Variants in CCSER1 observed in about 807,000 individuals in gnomAD.
CCSER1 encodes serine-rich coiled-coil domain-containing protein 1.
In CCSER1, 41 loss-of-function variants were observed where a neutral mutation model predicts 82.0. That is an observed-to-expected ratio of 0.50 (90% CI 0.39 to 0.65). The LOEUF (loss-of-function observed/expected upper bound fraction) is 0.65. Among genes scored for constraint, CCSER1 ranks in the 30% least tolerant of loss-of-function variants. CCSER1 has a pLI of 0.00. For missense variants in CCSER1, 1,119 were observed against 1,064.2 expected (o/e 1.05, Z -0.72); for synonymous variants, 414 against 383.9 (o/e 1.08, Z -0.92).
chr4:90,285,785 A>G (rs754663878), intron 1 of CCSER1, among the ~76,000 whole-genome samples: 1 of 152,006 alleles, frequency 6.6e-6, no homozygotes, highest in Non-Finnish European at 1.5e-5. Context: ...TTTGTCATAT[A>G]TGGCCTTTTA....
chr4:91,022,776 T>G (rs1264689291), intron 9 of CCSER1, among the ~76,000 whole-genome samples: 1 of 152,254 alleles, frequency 6.6e-6, no homozygotes. Context: ...ATGAGCATTT[T>G]TTCACGTGTC....
chr4:90,586,976 C>T lies in CCSER1; in HGVS notation c.1725-41049C>T, dbSNP rs568935555. ...TAGGGTGATTATCCCGGATTACCTT[C>T]GTGGGCCTACCATAATCACAGGGTT... On this transcript the variant is annotated intron_variant, in intron 5 of 10. Coordinates refer to ENST00000509176, the MANE Select transcript of CCSER1 (RefSeq NM_001145065.2). 2.6e-5 allele frequency among the ~76,000 whole-genome samples: 4 copies of T among 152,262 alleles called. No individual in the cohort carries two copies. The South Asian group carries it at 6.2e-4, about 24-fold the overall frequency.
At chr4:91,128,283 A>G (rs1354480299) in intron 10 of CCSER1, among the ~76,000 whole-genome samples, 1 of 151,998 alleles carries the variant, frequency 6.6e-6, no homozygotes, top group Non-Finnish European at 1.5e-5. Flanking sequence ...CTCCTTTTAT[A>G]ATCATTACAG....
intron 6 of CCSER1, among the ~76,000 whole-genome samples, chr4:90,662,965 T>G (rs1262818607): frequency 1.3e-5 from 2 of 152,192 alleles, no homozygotes. Context: ...TTCTAATATC[T>G]TAAAGGATGG....
intron 1 of CCSER1, among the ~76,000 whole-genome samples, chr4:90,181,612 T>C (rs1430884988): frequency 6.6e-6 from 1 of 152,156 alleles, no homozygotes; most frequent in African/African-American, 2.4e-5. Context: ...GTCGTTAATA[T>C]GCATTTTCCA....
intron 1 of CCSER1, among the ~76,000 whole-genome samples, chr4:90,177,268 A>G (rs1732885251): frequency 6.6e-6 from 1 of 152,130 alleles, no homozygotes; most frequent in Non-Finnish European, 1.5e-5. Flanking sequence ...AAGGGAATGA[A>G]GTTGTGGATC....
At position 90,643,872 on chromosome 4, in the gene CCSER1, G is replaced by A. The variant is rs531650972; in HGVS notation, c.1932+15640G>A. ...TAGATTTCATTTGTGTCTGGCAATG[G>A]AAGGATCTAAATAAATGTTACTTCT... On this transcript the variant is annotated intron_variant, in intron 6 of 10. Transcript: ENST00000509176. Among the ~76,000 whole-genome samples the A allele has an allele frequency of 9.2e-5, 14 of 152,228 alleles. No individual in the cohort carries two copies. The East Asian group carries it at 2.7e-3, about 29-fold the overall frequency.
intron 10 of CCSER1, among the ~76,000 whole-genome samples, chr4:91,513,495 G>C (rs139710913): frequency 6.6e-6 from 1 of 152,054 alleles, no homozygotes; most frequent in African/African-American, 2.4e-5. Context: ...TTAGGGAGAA[G>C]CCCCTCCTCA....
intron 9 of CCSER1, among the ~76,000 whole-genome samples, chr4:90,942,155 G>C (rs995655199): frequency 6.6e-6 from 1 of 151,980 alleles, no homozygotes; most frequent in East Asian, 1.9e-4. Context: ...TCACCATGTT[G>C]CCCAGGCTGG....
At chr4:90,330,758 AG>A (rs1325139942) in intron 3 of CCSER1, among the ~76,000 whole-genome samples, 1 of 152,212 alleles carries the variant, frequency 6.6e-6, no homozygotes, top group African/African-American at 2.4e-5. Flanking sequence ...GATTTCTTGA[AG>A]GGAACTTACT....
chr4:90,485,150 C>T (rs1406836154), intron 5 of CCSER1, among the ~76,000 whole-genome samples: 1 of 152,236 alleles, frequency 6.6e-6, no homozygotes, highest in Non-Finnish European at 1.5e-5. Context: ...GAGCGAGGCT[C>T]TGTGGGCGTA....
chr4:90,178,441 C>CT (rs1042800521), intron 1 of CCSER1, among the ~76,000 whole-genome samples: 6 of 151,446 alleles, frequency 4.0e-5, no homozygotes, highest in African/African-American at 7.3e-5. Context: ...TTTATATTGG[C>CT]TTTTTTTTGA....
intron 9 of CCSER1, among the ~76,000 whole-genome samples, chr4:91,083,601 T>C (rs1013664028): frequency 2.0e-5 from 3 of 151,776 alleles, no homozygotes; most frequent in East Asian, 3.9e-4. Context: ...CTATTACAAA[T>C]AAAAATGTCA....
intron 9 of CCSER1, among the ~76,000 whole-genome samples, chr4:91,063,923 TA>T (rs2148745435): frequency 6.6e-6 from 1 of 152,322 alleles, no homozygotes; most frequent in African/African-American, 2.4e-5. Context: ...AATGTCAGGA[TA>T]GTAAGTTGAT....
At chr4:90,945,355 G>A (rs535266139) in intron 9 of CCSER1, among the ~76,000 whole-genome samples, 81 of 152,102 alleles carry the variant, frequency 5.3e-4, no homozygotes, top group African/African-American at 2.0e-3. Flanking sequence ...TAAATGGAAT[G>A]GATCATGTTC....
intron 5 of CCSER1, among the ~76,000 whole-genome samples, chr4:90,524,316 C>A (rs1773483950): frequency 6.6e-6 from 1 of 152,200 alleles, no homozygotes; most frequent in African/African-American, 2.4e-5. Flanking sequence ...AATATCACCA[C>A]AGCAAGCTGC....
At chr4:90,747,208 A>C (rs1747635934) in intron 7 of CCSER1, among the ~76,000 whole-genome samples, 2 of 152,316 alleles carry the variant, frequency 1.3e-5, no homozygotes, top group Non-Finnish European at 2.9e-5. Flanking sequence ...AAGGTTATGC[A>C]TTTCTTTTAT....
intron 10 of CCSER1, among the ~76,000 whole-genome samples, chr4:91,204,998 AT>A (rs1474093818): frequency 6.6e-6 from 1 of 151,756 alleles, no homozygotes; most frequent in Non-Finnish European, 1.5e-5. Flanking sequence ...CTCTATTATT[AT>A]TAACTCATTA....
At chr4:90,611,711 G>A (rs1392006056) in intron 5 of CCSER1, among the ~76,000 whole-genome samples, 2 of 148,014 alleles carry the variant, frequency 1.4e-5, no homozygotes, top group African/African-American at 4.9e-5. Context: ...ATATATGGAT[G>A]AACAGGATAT....
Sources: gnomAD v4.1 joint callset for allele counts (sites outside exome capture counted in the v4.1 genomes callset) on GRCh38, gnomAD v4.1.1 for gene constraint, MANE v1.5 for transcripts, NCBI Gene and HGNC (gene_info 2026-07-23, HGNC 2026-07-21) for gene names.